Variants in BTN1A1 observed in about 807,000 individuals in gnomAD.
BTN1A1 encodes bK14H9.2 (butyrophilin, subfamily 1, member A1).
BTN1A1 carries 26 observed loss-of-function variants against 33.1 expected under a neutral mutation model. That is an observed-to-expected ratio of 0.79 (90% CI 0.58 to 1.09). The LOEUF is 1.09. Ranked by LOEUF, BTN1A1 falls within the 50% of genes least tolerant of loss-of-function variation. BTN1A1 has a pLI of 0.00. For synonymous variants in BTN1A1, 235 were observed against 256.2 expected, an observed-to-expected ratio of 0.92 and a Z score of 0.79; for missense variants, 558 against 655.7, an observed-to-expected ratio of 0.85 and a Z score of 1.63.
rs770903476 is a variant in BTN1A1 at position 26,504,917 on chromosome 6, C to G, written c.428-8C>G. The G allele has an allele frequency of 5.6e-6, 9 of 1,612,928 alleles. No homozygotes were observed. The highest frequency in any genetic ancestry group is 5.9e-6 in the Non-Finnish European group (7 of 1,179,258). On this transcript the variant is annotated splice_region_variant and splice_polypyrimidine_tract_variant and intron_variant, in intron 3 of 7. Transcript: ENST00000684113. ...CTAAAACATTAAGTCCAGATTCTCTCTCCATAGCTCTGGGCTCTGACCCTC... is the reference window on the plus strand; with the variant it reads ...CTAAAACATTAAGTCCAGATTCTCTGTCCATAGCTCTGGGCTCTGACCCTC...
Position 26,506,684 on chromosome 6 carries a change from T to G in BTN1A1, c.711T>G (p.Ala237=), listed in dbSNP as rs754845540. The G allele has an allele frequency of 1.9e-6, 3 of 1,613,320 alleles. No homozygotes were observed. The South Asian group carries it at 3.3e-5, about 18-fold the overall frequency. ...TCCTTCTTGGGGATTTTGTTTTAGCTTCCTCCCTCCCAAGGCTGACTCCCT... is the reference window on the plus strand; with the variant it reads ...TCCTTCTTGGGGATTTTGTTTTAGCGTCCTCCCTCCCAAGGCTGACTCCCT... The part of the protein sequence containing the change: ...QEKKVEISIP[A]SSLPRLTPWI... The change falls in exon 5 of 8, where the codon GCT becomes GCG. Residue 237 remains alanine, a splice_region_variant and synonymous_variant. Transcript: ENST00000684113.
chr6:26,501,209 T>C lies in BTN1A1; in HGVS notation c.-57-21T>C. On this transcript the variant is annotated intron_variant, in intron 1 of 7. Coordinates refer to ENST00000684113, the MANE Select transcript of BTN1A1 (RefSeq NM_001732.3). This position sits in a 1 kb window ranked among gnomAD's most constrained non-coding sequence, Gnocchi z 5.2. ...AGGGTTGACAGAGCCGGTAGTTGTC[T>C]CCTGTCCATTCATCTCCTAGGCTGA... 1 of 1,204,906 alleles carries C rather than the reference T, an allele frequency of 8.3e-7. No individual in the cohort carries two copies. Among genetic ancestry groups the C allele is most frequent in the Non-Finnish European group, 1.2e-6 (1 of 810,040 alleles). The allele number at this position is 1,204,906 out of a possible 1,614,324, so 74.6% of individuals were successfully genotyped here. A position where few individuals can be genotyped will look rare whatever the true frequency, so the allele number is the denominator to read the frequency against.
intron 4 of BTN1A1, 66 bp from the exon 5 acceptor site, chr6:26,506,617 T>A: frequency 1.3e-6 from 2 of 1,547,282 alleles, no homozygotes; most frequent in Admixed American, 1.7e-5. Flanking sequence ...TCCTTTGGAA[T>A]GTGGAGAAAA....
rs764872011 is a variant in BTN1A1, at chr6:26,504,935, T to G, written c.438T>G (p.Ser146=). ...LVHLKVAALG[S]DPHISMQVQE... ...ATTCTCTCTCCATAGCTCTGGGCTC[T>G]GACCCTCACATCAGTATGCAAGTTC... Residue 146 remains serine (S), a synonymous_variant, in exon 4 of 8, where the codon TCT becomes TCG. Coordinates refer to ENST00000684113, the MANE Select transcript of BTN1A1 (RefSeq NM_001732.3). 14 of 1,614,016 alleles carry G rather than the reference T, an allele frequency of 8.7e-6. No individual in the cohort carries two copies. Among genetic ancestry groups the G allele is most frequent in the Middle Eastern group, 1.6e-4 (1 of 6,072 alleles).
chr6:26,504,960 C>A lies in BTN1A1; in HGVS notation c.463C>A (p.Gln155Lys). Reference protein sequence around the residue: ...GSDPHISMQVQENGEICLECT... With the variant: ...GSDPHISMQVKENGEICLECT... ...TGACCCTCACATCAGTATGCAAGTTCAAGAGAATGGAGAAATCTGTCTGGA... is the reference window on the plus strand; with the variant it reads ...TGACCCTCACATCAGTATGCAAGTTAAAGAGAATGGAGAAATCTGTCTGGA... Residue 155 changes from glutamine to lysine, a missense_variant, in exon 4 of 8, where the codon CAA becomes AAA. Transcript: ENST00000684113. 3 of 1,614,140 alleles carry A rather than the reference C, an allele frequency of 1.9e-6. No homozygotes were observed. Among genetic ancestry groups the A allele is most frequent in the South Asian group, 1.1e-5 (1 of 91,082 alleles).
chr6:26,508,220 C>A, intron 7 of BTN1A1, 133 bp downstream of exon 7: 1 of 1,211,544 alleles, frequency 8.3e-7, no homozygotes, highest in Non-Finnish European at 1.2e-6. Flanking sequence ...TGACAGATGG[C>A]CTCAACAGTT....
In BTN1A1 at chr6:26,501,532, G is replaced by A; in HGVS notation, c.80-58G>A. ...CTGCGCTTTGGCGGGAATCTGGTCG[G>A]TGTCTGTCCGTAGTTCCCATCTCCA... On this transcript the variant is annotated intron_variant, in intron 2 of 7. Transcript: ENST00000684113. This position sits in a 1 kb window ranked among gnomAD's most constrained non-coding sequence, Gnocchi z 5.2. 6.2e-7 allele frequency: 1 copy of A among 1,601,562 alleles called. No homozygotes were observed. The highest frequency in any genetic ancestry group is 8.5e-7 in the Non-Finnish European group (1 of 1,171,736).
In BTN1A1 at chr6:26,509,969, C is replaced by T. The variant is rs1763921690; in HGVS notation, c.*795C>T. The T allele has an allele frequency of 6.6e-6, 1 of 152,346 alleles. No individual in the cohort carries two copies. The highest frequency in any genetic ancestry group is 2.4e-5 in the African/African-American group (1 of 41,474). The allele number at this position is 152,346 out of a possible 1,614,324, so 9.4% of individuals were successfully genotyped here. On this transcript the variant is annotated 3_prime_UTR_variant, in exon 8 of 8. Coordinates refer to ENST00000684113, the MANE Select transcript of BTN1A1 (RefSeq NM_001732.3). ...GTCATTCCACCCTCAATTTGTTGAT[C>T]CACAAGTTTCCAGTTGTCCTCTTCT...
rs1763903467 is a variant in BTN1A1, at chr6:26,508,657, C to G, written c.1064C>G (p.Ser355Ter). Reference protein sequence around the residue: ...PCVLGRETFTSGRHYWEVEVG... With the variant: ...PCVLGRETFT ...GTGTTGGGCCGTGAGACCTTCACCT[C>G]AGGAAGGCATTACTGGGAGGTGGAG... Residue 355 changes from serine (S) to a stop codon, truncating the protein, a stop_gained, in exon 8 of 8, where the codon TCA (serine) becomes TGA (stop). Coordinates refer to ENST00000684113, the MANE Select transcript of BTN1A1 (RefSeq NM_001732.3). LOFTEE classifies it low-confidence loss of function (END_TRUNC). The G allele has an allele frequency of 3.7e-6, 6 of 1,614,044 alleles. No homozygotes were observed. The highest frequency in any genetic ancestry group is 3.4e-6 in the Non-Finnish European group (4 of 1,180,038).
At position 26,501,542 on chromosome 6, in the gene BTN1A1, G is replaced by A. The variant is rs767857690; in HGVS notation, c.80-48G>A. The A allele has an allele frequency of 2.5e-6, 4 of 1,603,998 alleles. No homozygotes were observed. In the East Asian group the frequency reaches 8.9e-5, roughly 36 times the overall value. Reference sequence around the variant, plus strand: ...GCGGGAATCTGGTCGGTGTCTGTCCGTAGTTCCCATCTCCACATCCCGTCT... The same window carrying A: ...GCGGGAATCTGGTCGGTGTCTGTCCATAGTTCCCATCTCCACATCCCGTCT... On this transcript the variant is annotated intron_variant, in intron 2 of 7. Transcript: ENST00000684113. The surrounding 1 kb of genome is among the most constrained non-coding windows in gnomAD (Gnocchi z 5.2).
chr6:26,509,123 C>A lies in BTN1A1; in HGVS notation c.1530C>A (p.Asp510Glu), dbSNP rs1469649070. The A allele has an allele frequency of 1.2e-6, 2 of 1,613,892 alleles. No individual in the cohort carries two copies. Among genetic ancestry groups the A allele is most frequent in the African/African-American group, 1.3e-5 (1 of 74,914 alleles). The change falls in exon 8 of 8, where the codon GAC becomes GAA. Residue 510 changes from aspartate (D) to glutamate (E), a missense_variant. Physicochemically the swap from Asp to Glu is conservative, Grantham distance 45. Coordinates refer to ENST00000684113, the MANE Select transcript of BTN1A1 (RefSeq NM_001732.3). ...MGEDSAPRDADTLHSKLIPTQ... is the reference protein window; with the variant it reads ...MGEDSAPRDAETLHSKLIPTQ... ...AGGACTCTGCCCCTAGGGATGCAGA[C>A]ACTCTCCATTCTAAGCTAATCCCTA...
Position 26,505,047 on chromosome 6 carries a change from A to T in BTN1A1, c.550A>T (p.Lys184Ter). 6.2e-7 allele frequency: 1 copy of T among 1,614,160 alleles called. No homozygotes were observed. Among genetic ancestry groups the T allele is most frequent in the Non-Finnish European group, 8.5e-7 (1 of 1,180,038 alleles). ...QVQWRTSKGEKFPSTSESRNP... is the reference protein window; with the variant it reads ...QVQWRTSKGE ...GCAGTGGAGAACTTCCAAGGGAGAG[A>T]AGTTTCCATCTACATCAGAGTCCAG... Residue 184 changes from lysine to a stop codon, truncating the protein, a stop_gained, in exon 4 of 8, where the codon AAG (lysine) becomes TAG (stop). Coordinates refer to ENST00000684113, the MANE Select transcript of BTN1A1 (RefSeq NM_001732.3). LOFTEE classifies it high-confidence loss of function.
rs1763902943 is a variant in BTN1A1, at chr6:26,508,622, C to G, written c.1029C>G (p.Ser343=). ...KLPEKTERFD[S]WPCVLGRETF... is the part of the protein sequence containing the mutation. ...CTGAGAAAACAGAGAGATTTGACTC[C>G]TGGCCCTGTGTGTTGGGCCGTGAGA... Residue 343 remains serine (S), a synonymous_variant, in exon 8 of 8, where the codon TCC becomes TCG. Transcript: ENST00000684113. The G allele has an allele frequency of 6.2e-6, 10 of 1,614,206 alleles. No homozygotes were observed. The highest frequency in any genetic ancestry group is 8.5e-6 in the Non-Finnish European group (10 of 1,180,034).
At chr6:26,502,368 G>A (rs1284296792) in intron 3 of BTN1A1, among the ~76,000 whole-genome samples, 1 of 152,214 alleles carries the variant, frequency 6.6e-6, no homozygotes, top group African/African-American at 2.4e-5. Context: ...ATTTGCACAG[G>A]AGGGCTGTGT....
chr6:26,508,921 A>T lies in BTN1A1; in HGVS notation c.1328A>T (p.Asp443Val), dbSNP rs1459594298. ...ISFYNMNDGS[D>V]IYTFSNVTFS... ...TTCTACAACATGAATGATGGATCTGATATCTATACTTTCTCCAATGTCACT... is the reference window on the plus strand; with the variant it reads ...TTCTACAACATGAATGATGGATCTGTTATCTATACTTTCTCCAATGTCACT... Residue 443 changes from aspartate (D) to valine (V), a missense_variant, in exon 8 of 8, where the codon GAT becomes GTT. Asp to Val is a radical substitution (Grantham distance 152). Coordinates refer to ENST00000684113, the MANE Select transcript of BTN1A1 (RefSeq NM_001732.3). 1.2e-6 allele frequency: 2 copies of T among 1,614,166 alleles called. No individual in the cohort carries two copies. Among genetic ancestry groups the T allele is most frequent in the East Asian group, 2.2e-5 (1 of 44,884 alleles).
In BTN1A1 at chr6:26,509,106, G is replaced by T; in HGVS notation, c.1513G>T (p.Ala505Ser). 2 of 1,613,990 alleles carry T rather than the reference G, an allele frequency of 1.2e-6. No homozygotes were observed. The highest frequency in any genetic ancestry group is 1.1e-5 in the South Asian group (1 of 91,072). The change falls in exon 8 of 8, where the codon GCC (alanine) becomes TCC (serine). Residue 505 changes from alanine (A) to serine (S), a missense_variant. Coordinates refer to ENST00000684113, the MANE Select transcript of BTN1A1 (RefSeq NM_001732.3). ...ATTGTCCCCCATGGGGGAGGACTCT[G>T]CCCCTAGGGATGCAGACACTCTCCA... ...IPLSPMGEDS[A>S]PRDADTLHSK...
At chr6:26,507,170 G>A (rs1289697905) in intron 5 of BTN1A1, among the ~76,000 whole-genome samples, 2 of 152,176 alleles carry the variant, frequency 1.3e-5, no homozygotes, top group Non-Finnish European at 2.9e-5. Context: ...GCAGTAAGCC[G>A]AGATCGTGCC....
In BTN1A1 at chr6:26,509,234, A is replaced by G; in HGVS notation, c.*60A>G. 1 of 1,432,900 alleles carries G rather than the reference A, an allele frequency of 7.0e-7. No individual in the cohort carries two copies. Among genetic ancestry groups the G allele is most frequent in the Non-Finnish European group, 9.5e-7 (1 of 1,053,288 alleles). 88.8% of individuals were successfully genotyped at this position (1,432,900 alleles called of 1,614,324 possible). ...AACCCCTCTCCTCCATAGCCTTCTG[A>G]GGCTTCACCTGCTAGCTTTACCCAG... On this transcript the variant is annotated 3_prime_UTR_variant, in exon 8 of 8. Transcript: ENST00000684113.
At position 26,508,718 on chromosome 6, in the gene BTN1A1, T is replaced by G; in HGVS notation, c.1125T>G (p.Cys375Trp). Reference sequence around the variant, plus strand: ...GGACTGACTGGGCAATCGGCGTGTGTAGGGAGAATGTGATGAAGAAAGGAT... The same window carrying G: ...GGACTGACTGGGCAATCGGCGTGTGGAGGGAGAATGTGATGAAGAAAGGAT... Reference protein sequence around the residue: ...GDRTDWAIGVCRENVMKKGFD... With the variant: ...GDRTDWAIGVWRENVMKKGFD... The change falls in exon 8 of 8, where the codon TGT becomes TGG. Residue 375 changes from cysteine to tryptophan, a missense_variant. By Grantham distance (215) the Cys-to-Trp change is radical. Transcript: ENST00000684113. The G allele has an allele frequency of 6.2e-7, 1 of 1,614,048 alleles. No individual in the cohort carries two copies. Among genetic ancestry groups the G allele is most frequent in the Non-Finnish European group, 8.5e-7 (1 of 1,179,984 alleles).
Sources: allele counts gnomAD v4.1 joint callset (sites outside exome capture counted in the v4.1 genomes callset), GRCh38; gene constraint gnomAD v4.1.1; non-coding constraint Gnocchi (gnomAD v3.1); transcripts MANE v1.5; gene names NCBI Gene and HGNC (gene_info 2026-07-23, HGNC 2026-07-21).